The following LRBA variants were observed in gnomAD, a reference collection of about 807,000 sequenced individuals.
LRBA encodes the protein LPS responsive beige-like anchor protein, also known as lipopolysaccharide-responsive and beige-like anchor protein.
In LRBA, 176 loss-of-function variants were observed where a neutral mutation model predicts 330.0. The observed-to-expected ratio is 0.53, with a 90% confidence interval of 0.47 to 0.60. The LOEUF is 0.60. Among genes scored for constraint, LRBA ranks in the 20% least tolerant of loss-of-function variants. The pLI is 0.00. For missense variants in LRBA, 3,259 were observed against 3,444.8 expected (o/e 0.95, Z 1.35); for synonymous variants, 1,230 against 1,193.0 (o/e 1.03, Z -0.64).
chr4:150,761,850 A>C lies in LRBA; in HGVS notation c.5581-3T>G. The C allele has an allele frequency of 6.6e-7, 1 of 1,508,462 alleles. No homozygotes were observed. The highest frequency in any genetic ancestry group is 8.9e-7 in the Non-Finnish European group (1 of 1,126,216). 93.4% of individuals were successfully genotyped at this position (1,508,462 alleles called of 1,614,324 possible). On this transcript the variant is annotated splice_region_variant and splice_polypyrimidine_tract_variant and intron_variant, in intron 34 of 56. Transcript: ENST00000651943. ...TTCTGAATAGAATTTTGCCACTCCT[A>C]TAAAAAAAAAAGCAAAAATAGCTGA...
intron 2 of LRBA, among the ~76,000 whole-genome samples, chr4:150,982,928 T>C (rs762850594): frequency 6.6e-6 from 1 of 152,160 alleles, no homozygotes; most frequent in African/African-American, 2.4e-5. Context: ...AGAAGAAAAC[T>C]GTATACCAAA....
At chr4:150,306,258 C>T (rs1478091162) in intron 52 of LRBA, among the ~76,000 whole-genome samples, 1 of 152,076 alleles carries the variant, frequency 6.6e-6, no homozygotes. Context: ...CTCCCTCCTC[C>T]CCAATCTAAT....
At chr4:150,881,066 G>C (rs563716877) in intron 17 of LRBA, among the ~76,000 whole-genome samples, 1 of 152,044 alleles carries the variant, frequency 6.6e-6, no homozygotes, top group South Asian at 2.1e-4. Context: ...GCAGAGAAAA[G>C]GTTGGTGGGA....
chr4:150,584,004 C>T, intron 40 of LRBA: 2 of 1,614,126 alleles, frequency 1.2e-6, no homozygotes, highest in Non-Finnish European at 8.5e-7. Context: ...CCAACCTCGA[C>T]CTCTTTCAGG....
chr4:150,416,323 A>G lies in LRBA; in HGVS notation c.7042-733T>C, dbSNP rs565844236. Among the ~76,000 whole-genome samples, 4 of 152,368 alleles carry G rather than the reference A, an allele frequency of 2.6e-5. No homozygotes were observed. In the East Asian group the frequency reaches 7.7e-4, roughly 29 times the overall value. ...CAGTCTTGACATGGGTCAGTGGTTC[A>G]GTGGTCTTTCAGATATCCCCTCAGG... On this transcript the variant is annotated intron_variant, in intron 46 of 56. Transcript: ENST00000651943.
intron 47 of LRBA, among the ~76,000 whole-genome samples, chr4:150,404,936 G>A (rs189908610): frequency 6.6e-6 from 1 of 152,250 alleles, no homozygotes; most frequent in East Asian, 1.9e-4. Context: ...TTTGTCCAGA[G>A]TTCAGAATTT....
At chr4:150,971,596 A>C (rs1739588647) in intron 2 of LRBA, among the ~76,000 whole-genome samples, 1 of 152,236 alleles carries the variant, frequency 6.6e-6, no homozygotes, top group African/African-American at 2.4e-5. Context: ...TAAAATCTAT[A>C]GTGAAATAAA....
chr4:150,294,076 T>C (rs1412302294), intron 53 of LRBA, among the ~76,000 whole-genome samples: 2 of 152,254 alleles, frequency 1.3e-5, no homozygotes, highest in Non-Finnish European at 2.9e-5. Flanking sequence ...AAAAGTTATA[T>C]GCATGTTTCT....
In LRBA at chr4:150,820,531, A is replaced by AT. The variant is rs1238323492; in HGVS notation, c.5172-3275_5172-3274insA. ...AAATACATCTGCTCATAAATTTTTA[A>AT]AAGCTGAATTATTTCATATAGCTAC... On this transcript the variant is annotated intron_variant, in intron 30 of 56. Transcript: ENST00000651943. 4.6e-5 allele frequency among the ~76,000 whole-genome samples: 7 copies of AT among 152,164 alleles called. No homozygotes were observed. The South Asian group carries it at 1.5e-3, about 32-fold the overall frequency.
chr4:150,864,238 C>A (rs1161721658), intron 22 of LRBA, among the ~76,000 whole-genome samples: 6 of 151,856 alleles, frequency 4.0e-5, no homozygotes, highest in Admixed American at 3.9e-4. Flanking sequence ...GCCCGGGCAA[C>A]ACTTTACATT....
chr4:150,780,812 G>A (rs542819803), intron 34 of LRBA, among the ~76,000 whole-genome samples: 3 of 151,800 alleles, frequency 2.0e-5, no homozygotes, highest in African/African-American at 7.2e-5. Context: ...ACAGACAAGG[G>A]GGTGAGGGGG....
At chr4:150,350,429 G>C (rs935287570) in intron 47 of LRBA, among the ~76,000 whole-genome samples, 1 of 152,098 alleles carries the variant, frequency 6.6e-6, no homozygotes, top group South Asian at 2.1e-4. Context: ...AATTAGCTGG[G>C]TGTGGTGGCC....
chr4:150,380,551 A>T (rs971956750), intron 47 of LRBA, among the ~76,000 whole-genome samples: 12 of 152,002 alleles, frequency 7.9e-5, no homozygotes, highest in African/African-American at 2.9e-4. Context: ...GAACACTAAA[A>T]GTTTGAGATG....
intron 48 of LRBA, among the ~76,000 whole-genome samples, chr4:150,334,421 T>C (rs1734363343): frequency 6.6e-6 from 1 of 152,198 alleles, no homozygotes; most frequent in Admixed American, 6.5e-5. Context: ...TTAATGTTTT[T>C]AGTTTTGAGA....
chr4:150,887,684 G>A (rs1729083553), intron 17 of LRBA, among the ~76,000 whole-genome samples: 1 of 150,860 alleles, frequency 6.6e-6, no homozygotes, highest in African/African-American at 2.4e-5. Flanking sequence ...CAGGAGAATG[G>A]CATGAACCCA....
rs76484259 is a variant in LRBA at position 150,372,106 on chromosome 4, T to C, written c.7195-21947A>G. On this transcript the variant is annotated intron_variant, in intron 47 of 56. Coordinates refer to ENST00000651943, the MANE Select transcript of LRBA (RefSeq NM_001364905.1). Reference sequence around the variant, plus strand: ...CTTATTCTATCAGTTAATTTTTCTGTCAGATGCTCGTTATGCTAACTTCTT... The same window carrying C: ...CTTATTCTATCAGTTAATTTTTCTGCCAGATGCTCGTTATGCTAACTTCTT... Among the ~76,000 whole-genome samples, 160 of 152,304 alleles carry C rather than the reference T, an allele frequency of 1.1e-3. 4 individuals carry two copies. The highest frequency in any genetic ancestry group is 3.8e-3 in the African/African-American group (157 of 41,550).
At chr4:150,372,735 T>C (rs1374793140) in intron 47 of LRBA, among the ~76,000 whole-genome samples, 2 of 45,624 alleles carry the variant, frequency 4.4e-5, no homozygotes, top group Non-Finnish European at 1.6e-4. Context: ...TATTATTAAA[T>C]TATATGCCTG....
Position 150,627,363 on chromosome 4 carries a change from A to C in LRBA, c.5922-28232T>G, listed in dbSNP as rs57723315. Among the ~76,000 whole-genome samples the C allele has an allele frequency of 1.2e-3, 187 of 152,214 alleles. 3 individuals are homozygous for C. The highest frequency in any genetic ancestry group is 4.4e-3 in the African/African-American group (183 of 41,590). On this transcript the variant is annotated intron_variant, in intron 37 of 56. Transcript: ENST00000651943. Reference sequence around the variant, plus strand: ...TGACAAAAAAATTCTACAATAAATGACATATAACAAGGCTTAACTTAGTTC... The same window carrying C: ...TGACAAAAAAATTCTACAATAAATGCCATATAACAAGGCTTAACTTAGTTC...
chr4:150,767,840 G>C (rs558629782), intron 34 of LRBA, among the ~76,000 whole-genome samples: 47 of 150,918 alleles, frequency 3.1e-4, no homozygotes, highest in African/African-American at 1.1e-3. Flanking sequence ...GAGGTGGGCA[G>C]ACCAGGAGGT....
Sources: allele counts gnomAD v4.1 joint callset (sites outside exome capture counted in the v4.1 genomes callset), GRCh38; gene constraint gnomAD v4.1.1; transcripts MANE v1.5; gene names NCBI Gene and HGNC (gene_info 2026-07-23, HGNC 2026-07-21).